FMN2: variants seen among roughly 807,000 people sequenced by gnomAD.
FMN2 encodes formin 2, also known as formin-2.
A neutral mutation model predicts 142.3 loss-of-function variants in FMN2; 51 were observed. The observed-to-expected ratio is 0.36, with a 90% CI of 0.29 to 0.45. FMN2 has a LOEUF of 0.45. Ranked by LOEUF, FMN2 falls within the 20% of genes least tolerant of loss-of-function variation. FMN2 has a pLI of 1.00. For synonymous variants in FMN2, 882 were observed against 869.8 expected (o/e 1.01, Z -0.25); for missense variants, 1,936 against 2,122.8 (o/e 0.91, Z 1.73).
intron 7 of FMN2, among the ~76,000 whole-genome samples, chr1:240,281,864 C>T (rs1669407493): frequency 1.3e-5 from 2 of 152,138 alleles, no homozygotes; most frequent in South Asian, 2.1e-4. Context: ...ATTCTTTAAG[C>T]AGATCTTCAT....
At chr1:240,170,327 G>A (rs573402468) in intron 2 of FMN2, 2 of 1,092,446 alleles carry the variant, frequency 1.8e-6, no homozygotes, top group East Asian at 4.7e-5. Context: ...TATACCCTGA[G>A]CAGAGCTGAT....
chr1:240,233,472 C>T (rs1268325891), intron 6 of FMN2, among the ~76,000 whole-genome samples: 1 of 151,886 alleles, frequency 6.6e-6, no homozygotes, highest in Non-Finnish European at 1.5e-5. Flanking sequence ...ATCTCTCTTG[C>T]TAAGACTATT....
intron 7 of FMN2, among the ~76,000 whole-genome samples, chr1:240,286,532 ATCATTTTAAGG>A (rs959028310): frequency 1.3e-5 from 2 of 152,130 alleles, no homozygotes; most frequent in African/African-American, 4.8e-5. Flanking sequence ...TTATGGTTTT[ATCATTTTAAGG>A]TCTACGAAAC....
chr1:240,141,415 G>T (rs1380640308), intron 2 of FMN2, among the ~76,000 whole-genome samples: 1 of 152,044 alleles, frequency 6.6e-6, no homozygotes, highest in Admixed American at 6.6e-5. Context: ...GCAATGGCAC[G>T]ATCTCGGCTC....
intron 16 of FMN2, among the ~76,000 whole-genome samples, chr1:240,468,230 G>GTGTGTGTGTGTA (rs1676687726): frequency 2.8e-5 from 3 of 107,696 alleles, no homozygotes; most frequent in South Asian, 5.3e-4. Context: ...GTGTGTGTGT[G>GTGTGTGTGTGTA]TGTATTCACA....
intron 16 of FMN2, among the ~76,000 whole-genome samples, chr1:240,442,302 A>G (rs1214707982): frequency 6.6e-6 from 1 of 152,184 alleles, no homozygotes; most frequent in African/African-American, 2.4e-5. Context: ...CATCTGCAAA[A>G]ATACCAGGGA....
chr1:240,143,016 A>G, intron 2 of FMN2: 1 of 1,518,950 alleles, frequency 6.6e-7, no homozygotes, highest in Non-Finnish European at 9.1e-7. Context: ...CAGCCCAGCC[A>G]TGGCCACTGG....
rs536759065 is a variant in FMN2, at chr1:240,437,544, C to T, written c.4911-517C>T. ...GTCTCGATCTCCTGACCTCGTGATC[C>T]ACCCACCTTGGCCTCCCAAAGTGCT... On this transcript the variant is annotated intron_variant, in intron 15 of 17. Transcript: ENST00000319653. Among the ~76,000 whole-genome samples the T allele has an allele frequency of 8.5e-4, 130 of 152,118 alleles. 2 individuals are homozygous for T. The South Asian group carries it at 0.023, about 27-fold the overall frequency.
chr1:240,354,709 T>C (rs1672206854), intron 13 of FMN2, among the ~76,000 whole-genome samples: 2 of 152,082 alleles, frequency 1.3e-5, no homozygotes, highest in Admixed American at 1.3e-4. Flanking sequence ...TTAGATAAAC[T>C]AATGACCTGG....
chr1:240,215,712 T>C (rs1666869131), intron 6 of FMN2, among the ~76,000 whole-genome samples: 1 of 152,146 alleles, frequency 6.6e-6, no homozygotes, highest in South Asian at 2.1e-4. Context: ...AGCAGATTTC[T>C]TTCTTTCTTT....
At chr1:240,458,268 C>G (rs559995273) in intron 16 of FMN2, 1 of 152,146 alleles carries the variant, frequency 6.6e-6, no homozygotes, top group Non-Finnish European at 1.5e-5. Context: ...TTCGTTGATT[C>G]ATTCCTGACT....
intron 6 of FMN2, among the ~76,000 whole-genome samples, 158 bp from the exon 7 acceptor site, chr1:240,257,787 C>A (rs113266477): frequency 6.6e-6 from 1 of 152,026 alleles, no homozygotes; most frequent in Non-Finnish European, 1.5e-5. Flanking sequence ...CCCAAAAGCT[C>A]TCTTCAAACA....
intron 7 of FMN2, among the ~76,000 whole-genome samples, chr1:240,267,903 C>T (rs1451143577): frequency 7.2e-5 from 11 of 151,870 alleles, no homozygotes; most frequent in South Asian, 2.1e-4. Flanking sequence ...AACAAACATA[C>T]GAAAAAATGT....
intron 1 of FMN2, among the ~76,000 whole-genome samples, chr1:240,115,527 C>T (rs998411059): frequency 1.1e-4 from 16 of 152,184 alleles, no homozygotes; most frequent in South Asian, 4.1e-4. Context: ...CTTTCCTTGT[C>T]GGTGCTGATG....
chr1:240,344,504 A>G (rs1164352542), intron 13 of FMN2, among the ~76,000 whole-genome samples: 2 of 152,166 alleles, frequency 1.3e-5, no homozygotes, highest in Non-Finnish European at 1.5e-5. Flanking sequence ...ACTAACATGT[A>G]TGTGTACTCT....
At chr1:240,183,559 A>C (rs960171596) in intron 3 of FMN2, among the ~76,000 whole-genome samples, 2 of 150,910 alleles carry the variant, frequency 1.3e-5, no homozygotes, top group Non-Finnish European at 2.9e-5. Flanking sequence ...ATACATGTAT[A>C]TATACACACA....
intron 3 of FMN2, among the ~76,000 whole-genome samples, chr1:240,180,566 C>CTTTTTTT (rs58433196): frequency 6.3e-5 from 8 of 126,178 alleles, no homozygotes; most frequent in Admixed American, 8.5e-5. Context: ...CACATGACCC[C>CTTTTTTT]TTTTTTTTTT....
rs188291584 is a variant in FMN2 at position 240,146,206 on chromosome 1, A to G, written c.1782+22861A>G. On this transcript the variant is annotated intron_variant, in intron 2 of 17. Transcript: ENST00000319653. The stretch of plus-strand genomic sequence containing the variant: ...AGACCATCCTGGCTAACATGGAGAA[A>G]CCCCGTCTCTACTAAAAAAAAAAAA... Among the ~76,000 whole-genome samples, 1,255 of 144,392 alleles carry G rather than the reference A, an allele frequency of 8.7e-3. 15 individuals carry two copies. The highest frequency in any genetic ancestry group is 0.031 in the African/African-American group (1,211 of 39,272). 94.7% of individuals were successfully genotyped at this position (144,392 alleles called of 152,430 possible).
intron 13 of FMN2, among the ~76,000 whole-genome samples, chr1:240,348,686 C>A (rs1042948948): frequency 3.9e-5 from 6 of 152,132 alleles, no homozygotes; most frequent in Admixed American, 6.5e-5. Context: ...GGAGCACTGA[C>A]CTTCCGTTCA....
Sources: gnomAD v4.1 joint callset for allele counts (sites outside exome capture counted in the v4.1 genomes callset) on GRCh38, gnomAD v4.1.1 for gene constraint, MANE v1.5 for transcripts, NCBI Gene and HGNC (gene_info 2026-07-23, HGNC 2026-07-21) for gene names.